Variants in AFAP1 observed in about 807,000 individuals in gnomAD.
AFAP1 encodes the protein actin filament associated protein 1, also known as actin filament-associated protein 1.
AFAP1 carries 75 observed loss-of-function variants against 93.9 expected under a neutral mutation model. That is an observed-to-expected ratio of 0.80 (90% CI 0.66 to 0.97). AFAP1 has a LOEUF of 0.97. Ranked by LOEUF, AFAP1 falls within the 50% of genes least tolerant of loss-of-function variation. AFAP1 has a pLI of 0.00. For synonymous variants in AFAP1, 517 were observed against 430.7 expected (o/e 1.20, Z -2.48); for missense variants, 1,201 against 1,050.8 (o/e 1.14, Z -1.98).
chr4:7,832,651 A>C (rs1478002956), intron 6 of AFAP1, among the ~76,000 whole-genome samples: 5 of 132,146 alleles, frequency 3.8e-5, no homozygotes, highest in Non-Finnish European at 6.3e-5. Context: ...TAGAAAAAAC[A>C]ATCCTAAAAT....
chr4:7,806,965 C>T (rs985205901), intron 9 of AFAP1, among the ~76,000 whole-genome samples: 4 of 152,084 alleles, frequency 2.6e-5, no homozygotes, highest in African/African-American at 4.8e-5. Flanking sequence ...TCAGATCTTT[C>T]GGGGGAAGGG....
At chr4:7,893,319 G>A (rs541996101) in intron 1 of AFAP1, among the ~76,000 whole-genome samples, 14 of 152,294 alleles carry the variant, frequency 9.2e-5, no homozygotes, top group African/African-American at 2.2e-4. Flanking sequence ...GGTGGCTCAC[G>A]CCTGTAATCC....
At chr4:7,831,438 A>C (rs184764537) in intron 6 of AFAP1, among the ~76,000 whole-genome samples, 261 of 152,308 alleles carry the variant, frequency 1.7e-3, no homozygotes, top group African/African-American at 6.0e-3. Flanking sequence ...CCGTTCATAA[A>C]TGGAGTCATC....
chr4:7,890,555 C>T (rs74908726), intron 1 of AFAP1, among the ~76,000 whole-genome samples: 1 of 152,072 alleles, frequency 6.6e-6, no homozygotes, highest in East Asian at 1.9e-4. Flanking sequence ...AAGAAAATAT[C>T]TGCAATACAC....
At chr4:7,836,386 G>A (rs898914551) in intron 6 of AFAP1, among the ~76,000 whole-genome samples, 1 of 152,224 alleles carries the variant, frequency 6.6e-6, no homozygotes, top group Non-Finnish European at 1.5e-5. Flanking sequence ...CAGAAAGCAG[G>A]TAAGTGGCTG....
chr4:7,810,300 G>A (rs1380078542), intron 8 of AFAP1, among the ~76,000 whole-genome samples: 1 of 152,236 alleles, frequency 6.6e-6, no homozygotes, highest in Non-Finnish European at 1.5e-5. Flanking sequence ...AGGGTTATGT[G>A]GAAGAGCAGC....
chr4:7,929,757 T>C (rs1303227128), intron 1 of AFAP1, among the ~76,000 whole-genome samples: 1 of 152,182 alleles, frequency 6.6e-6, no homozygotes, highest in African/African-American at 2.4e-5. Flanking sequence ...ACTCAGGAAC[T>C]ACTGAATGAG....
At chr4:7,877,365 G>A (rs1365692312) in intron 1 of AFAP1, among the ~76,000 whole-genome samples, 6 of 152,200 alleles carry the variant, frequency 3.9e-5, no homozygotes, top group African/African-American at 1.4e-4. Context: ...GACGCACTGC[G>A]CCCCATCTAC....
chr4:7,760,299 G>A lies in AFAP1; in HGVS notation c.*3466C>T, dbSNP rs1172602463. The A allele has an allele frequency of 6.6e-6, 1 of 152,282 alleles. No homozygotes were observed. The highest frequency in any genetic ancestry group is 1.5e-5 in the Non-Finnish European group (1 of 68,066). The allele number at this position is 152,282 out of a possible 1,614,324, so 9.4% of individuals were successfully genotyped here. A position where few individuals can be genotyped will look rare whatever the true frequency, so the allele number is the denominator to read the frequency against. The stretch of plus-strand genomic sequence containing the variant: ...ATTCTGGGATGAGTAAGATACAGGG[G>A]AAGGTTAAGCCTGGCAACGCCAGGG... On this transcript the variant is annotated 3_prime_UTR_variant, in exon 18 of 18. Transcript: ENST00000420658.
chr4:7,859,493 C>T (rs1577305816), intron 3 of AFAP1, among the ~76,000 whole-genome samples: 1 of 152,112 alleles, frequency 6.6e-6, no homozygotes, highest in East Asian at 1.9e-4. Context: ...GTATGAGAAA[C>T]TACCCTCCTC....
chr4:7,817,084 G>C (rs76342242), intron 7 of AFAP1, among the ~76,000 whole-genome samples: 4 of 152,166 alleles, frequency 2.6e-5, no homozygotes, highest in African/African-American at 9.7e-5. Context: ...GTGTGAGTGC[G>C]TGGATGAGGA....
intron 16 of AFAP1, among the ~76,000 whole-genome samples, chr4:7,770,318 A>C (rs1715248316): frequency 6.6e-6 from 1 of 152,170 alleles, no homozygotes. Flanking sequence ...CCACCATAGA[A>C]GAGAGTGGGC....
chr4:7,824,768 G>A (rs961995103), intron 6 of AFAP1, among the ~76,000 whole-genome samples: 4 of 152,146 alleles, frequency 2.6e-5, no homozygotes, highest in African/African-American at 9.7e-5. Flanking sequence ...GGGAGGAAGG[G>A]GGATGGCGAG....
At chr4:7,774,408 C>T (rs532709133) in intron 15 of AFAP1, 7 of 282,012 alleles carry the variant, frequency 2.5e-5, no homozygotes, top group Admixed American at 1.5e-4. Flanking sequence ...GAATCTACTG[C>T]GTCCTGCGGA....
chr4:7,774,686 T>G, intron 15 of AFAP1, 53 bp downstream of exon 15: 1 of 1,581,016 alleles, frequency 6.3e-7, no homozygotes, highest in Non-Finnish European at 8.6e-7. Flanking sequence ...GAATGAAATC[T>G]CCAGTCTCTA....
At chr4:7,889,521 C>G (rs2149205007) in intron 1 of AFAP1, among the ~76,000 whole-genome samples, 1 of 145,616 alleles carries the variant, frequency 6.9e-6, no homozygotes, top group East Asian at 2.0e-4. Context: ...CCACTGCACT[C>G]CAGCCTGGGC....
At position 7,768,933 on chromosome 4, in the gene AFAP1, C is replaced by T. The variant is rs145262268; in HGVS notation, c.2329G>A (p.Val777Met). 162 of 1,613,842 alleles carry T rather than the reference C, an allele frequency of 1.0e-4. No homozygotes were observed. Among genetic ancestry groups the T allele is most frequent in the Admixed American group, 1.8e-4 (11 of 60,022 alleles). Reference protein sequence around the residue: ...SCDTSDTEGPVPVNSAAVLKK... With the variant: ...SCDTSDTEGPMPVNSAAVLKK... ...AAGACGGCCGCGCTGTTCACCGGCA[C>T]GGGGCCCTCGGTGTCACTGGTGTCA... Residue 777 changes from valine (V) to methionine (M), a missense_variant, in exon 17 of 18, where the codon GTG (valine) becomes ATG (methionine). Physicochemically the swap from Val to Met is conservative, Grantham distance 21 (BLOSUM62 1). Coordinates refer to ENST00000420658, the MANE Select transcript of AFAP1 (RefSeq NM_001134647.2).
At chr4:7,855,744 C>A (rs940606950) in intron 3 of AFAP1, among the ~76,000 whole-genome samples, 170 bp from the exon 4 acceptor site, 1 of 152,208 alleles carries the variant, frequency 6.6e-6, no homozygotes, top group Admixed American at 6.5e-5. Context: ...TGATGTGTCT[C>A]TCTTACTTTC....
chr4:7,792,651 C>G (rs572229848), intron 11 of AFAP1, among the ~76,000 whole-genome samples: 1 of 152,220 alleles, frequency 6.6e-6, no homozygotes, highest in African/African-American at 2.4e-5. Flanking sequence ...CTTGTCTGAG[C>G]TGTTCCTCAA....
Sources: gnomAD v4.1 joint callset for allele counts (sites outside exome capture counted in the v4.1 genomes callset) on GRCh38, gnomAD v4.1.1 for gene constraint, MANE v1.5 for transcripts, NCBI Gene and HGNC (gene_info 2026-07-23, HGNC 2026-07-21) for gene names.